Variants in IGSF21 observed in about 807,000 individuals in gnomAD.
IGSF21 encodes the protein immunoglobin superfamily member 21.
In IGSF21, 28 loss-of-function variants were observed where a neutral mutation model predicts 46.8. The observed-to-expected ratio is 0.60, with a 90% confidence interval of 0.44 to 0.82. IGSF21 has a LOEUF of 0.82. Ranked by LOEUF, IGSF21 falls within the 40% of genes least tolerant of loss-of-function variation. The pLI, the probability that IGSF21 is intolerant of heterozygous loss-of-function variation, is 0.00. For synonymous variants in IGSF21, 284 were observed against 273.6 expected (o/e 1.04, Z -0.38); for missense variants, 624 against 665.5 (o/e 0.94, Z 0.69).
chr1:18,353,339 T>G (rs1028455519), intron 4 of IGSF21, among the ~76,000 whole-genome samples: 5 of 151,940 alleles, frequency 3.3e-5, no homozygotes, highest in African/African-American at 1.2e-4. Context: ...CCCTTCCAAC[T>G]TGGGCAGGGA....
rs184993845 is a variant in IGSF21, at chr1:18,334,688, C to T, written c.306-204C>T. 2.6e-5 allele frequency among the ~76,000 whole-genome samples: 4 copies of T among 152,196 alleles called. No individual in the cohort carries two copies. Among genetic ancestry groups the T allele is most frequent in the Non-Finnish European group, 5.9e-5 (4 of 68,036 alleles). ...AAATTGGGCTCTGGCTGAACACAGT[C>T]CACACCTTCACTGTCTGAGATGCCG... On this transcript the variant is annotated intron_variant, in intron 3 of 9. Transcript: ENST00000251296. The surrounding 1 kb of genome is among the most constrained non-coding windows in gnomAD (Gnocchi z 4.3).
chr1:18,186,520 G>A (rs2086904537), intron 1 of IGSF21, among the ~76,000 whole-genome samples: 1 of 152,092 alleles, frequency 6.6e-6, no homozygotes, highest in African/African-American at 2.4e-5. Context: ...CCTGGCTGGA[G>A]AGCCCAGTGG....
At chr1:18,177,463 A>T (rs1570305437) in intron 1 of IGSF21, among the ~76,000 whole-genome samples, 1 of 50,108 alleles carries the variant, frequency 2.0e-5, no homozygotes, top group East Asian at 4.4e-4. Context: ...ATATGCATAA[A>T]CCTATCTATA....
In IGSF21 at chr1:18,291,597, G is replaced by A. The variant is rs565031702; in HGVS notation, c.184-269G>A. Among the ~76,000 whole-genome samples, 3 of 152,316 alleles carry A rather than the reference G, an allele frequency of 2.0e-5. No individual in the cohort carries two copies. The South Asian group carries it at 6.2e-4, about 32-fold the overall frequency. ...TGTGAAGGCAGCAAGCTTCCCCTGA[G>A]CGCACACTGCTCTTTCCTGCCGCAG... is the stretch of plus-strand genomic sequence containing the variant. On this transcript the variant is annotated intron_variant, in intron 2 of 9. Transcript: ENST00000251296.
intron 3 of IGSF21, among the ~76,000 whole-genome samples, chr1:18,313,579 G>T (rs1001610420): frequency 6.6e-6 from 1 of 152,186 alleles, no homozygotes. Context: ...ATGATTATGT[G>T]CTAACATTTT....
rs1174093441 is a variant in IGSF21, at chr1:18,376,950, C to A, written c.1252C>A (p.Pro418Thr). ...CATGTATCGCTGCACCGCCCAGAAC[C>A]CACTGGGCTCCACCGACACGCACAC... Reference protein sequence around the residue: ...GSMYRCTAQNPLGSTDTHTRL... With the variant: ...GSMYRCTAQNTLGSTDTHTRL... The change falls in exon 8 of 10, where the codon CCA becomes ACA. Residue 418 changes from proline to threonine, a missense_variant. Coordinates refer to ENST00000251296, the MANE Select transcript of IGSF21 (RefSeq NM_032880.5). 2 of 1,603,112 alleles carry A rather than the reference C, an allele frequency of 1.2e-6. No homozygotes were observed. The highest frequency in any genetic ancestry group is 2.2e-5 in the East Asian group (1 of 44,548).
intron 3 of IGSF21, among the ~76,000 whole-genome samples, chr1:18,308,656 A>G (rs927330251): frequency 6.6e-6 from 1 of 152,138 alleles, no homozygotes; most frequent in African/African-American, 2.4e-5. Context: ...GTGGGAGCCA[A>G]GGATATGTGT....
At chr1:18,125,606 T>C (rs1259861630) in intron 1 of IGSF21, among the ~76,000 whole-genome samples, 1 of 152,234 alleles carries the variant, frequency 6.6e-6, no homozygotes, top group South Asian at 2.1e-4. Flanking sequence ...CATTCATTTA[T>C]TCATTCAACT....
chr1:18,204,480 C>T (rs928823745), intron 1 of IGSF21, among the ~76,000 whole-genome samples: 6 of 152,254 alleles, frequency 3.9e-5, no homozygotes, highest in East Asian at 1.9e-4. Context: ...TTGAGTGTGG[C>T]GTGCGCTGCT....
chr1:18,253,880 G>A (rs1425203964), intron 2 of IGSF21, among the ~76,000 whole-genome samples: 1 of 152,182 alleles, frequency 6.6e-6, no homozygotes, highest in Non-Finnish European at 1.5e-5. Flanking sequence ...TTTAAGCTGG[G>A]CTTTGAAAGG....
chr1:18,326,644 G>A (rs1343767052), intron 3 of IGSF21, among the ~76,000 whole-genome samples: 2 of 152,226 alleles, frequency 1.3e-5, no homozygotes, highest in Non-Finnish European at 2.9e-5. Flanking sequence ...GGTAGATTAT[G>A]AAAGTTTGGT....
chr1:18,147,063 C>T (rs556702207), intron 1 of IGSF21, among the ~76,000 whole-genome samples: 13 of 152,294 alleles, frequency 8.5e-5, no homozygotes, highest in South Asian at 6.2e-4. Flanking sequence ...TTCCCTCTGA[C>T]GCCACTGCCA....
rs2086147304 is a variant in IGSF21, at chr1:18,365,170, G to T, written c.541-53G>T. On this transcript the variant is annotated intron_variant, in intron 5 of 9. Coordinates refer to ENST00000251296, the MANE Select transcript of IGSF21 (RefSeq NM_032880.5). The surrounding 1 kb of genome is among the most constrained non-coding windows in gnomAD (Gnocchi z 4.8). ...CAGTTCATCGGAGAACCCACTGGGA[G>T]GTTGAAGTTAGTAGCACAAAATCAT... 2 of 1,406,630 alleles carry T rather than the reference G, an allele frequency of 1.4e-6. No homozygotes were observed. Among genetic ancestry groups the T allele is most frequent in the South Asian group, 1.3e-5 (1 of 77,606 alleles). 87.1% of individuals were successfully genotyped at this position (1,406,630 alleles called of 1,614,324 possible).
At chr1:18,231,922 CGTGTGTGTGT>C (rs150869622) in intron 2 of IGSF21, among the ~76,000 whole-genome samples, 34 of 136,434 alleles carry the variant, frequency 2.5e-4, no homozygotes, top group African/African-American at 5.1e-4. Flanking sequence ...ATCATTAGAT[CGTGTGTGTGT>C]GTGTGTGTGT....
At chr1:18,323,724 T>A (rs981209113) in intron 3 of IGSF21, among the ~76,000 whole-genome samples, 2 of 152,226 alleles carry the variant, frequency 1.3e-5, no homozygotes, top group Non-Finnish European at 2.9e-5. Context: ...CTGTGCCTAC[T>A]TTCTTTGGTA....
At chr1:18,160,928 C>T (rs983686145) in intron 1 of IGSF21, among the ~76,000 whole-genome samples, 9 of 152,176 alleles carry the variant, frequency 5.9e-5, no homozygotes, top group East Asian at 1.9e-4. Flanking sequence ...TTGGCCTGCT[C>T]GAGATGGGAG....
At chr1:18,181,422 C>A (rs373027240) in intron 1 of IGSF21, among the ~76,000 whole-genome samples, 3 of 152,218 alleles carry the variant, frequency 2.0e-5, no homozygotes, top group South Asian at 2.1e-4. Context: ...CTTGAGCAGC[C>A]CAAACGCTGT....
rs547837087 is a variant in IGSF21, at chr1:18,286,999, G to C, written c.184-4867G>C. ...GATCGAGACCATCCCGGCTAAAACGGTGAAACCCCGTCTCTACTAAAAATA... is the reference window on the plus strand; with the variant it reads ...GATCGAGACCATCCCGGCTAAAACGCTGAAACCCCGTCTCTACTAAAAATA... On this transcript the variant is annotated intron_variant, in intron 2 of 9. Transcript: ENST00000251296. 2.1e-3 allele frequency among the ~76,000 whole-genome samples: 322 copies of C among 151,668 alleles called. 2 individuals carry two copies. Among genetic ancestry groups the C allele is most frequent in the African/African-American group, 7.5e-3 (310 of 41,414 alleles).
chr1:18,195,340 G>A (rs563317644), intron 1 of IGSF21, among the ~76,000 whole-genome samples: 4 of 152,332 alleles, frequency 2.6e-5, no homozygotes, highest in African/African-American at 9.6e-5. Flanking sequence ...GGAACTTGGG[G>A]TGCTCTGGGT....
Sources: gnomAD v4.1 joint callset for allele counts (sites outside exome capture counted in the v4.1 genomes callset) on GRCh38, gnomAD v4.1.1 for gene constraint, Gnocchi (gnomAD v3.1) non-coding constraint, MANE v1.5 for transcripts, NCBI Gene and HGNC (gene_info 2026-07-23, HGNC 2026-07-21) for gene names.